The following SMIM36 variants were observed in gnomAD, a reference collection of about 807,000 sequenced individuals.
SMIM36 encodes small integral membrane protein 36.
chr17:55,496,093 A>G (rs1405799419), intron 1 of SMIM36, among the ~76,000 whole-genome samples: 1 of 152,192 alleles, frequency 6.6e-6, no homozygotes, highest in Admixed American at 6.5e-5. Context: ...ACATTTCCTT[A>G]TAAGAATGTC....
chr17:55,529,485 G>C, the SMIM36 span, among the ~76,000 whole-genome samples: 6 of 151,896 alleles, frequency 4.0e-5, no homozygotes, highest in African/African-American at 1.5e-4. Context: ...ATCCAGATGT[G>C]AGCCTGGCAC....
intron 1 of SMIM36, among the ~76,000 whole-genome samples, chr17:55,498,476 T>C (rs577471376): frequency 6.6e-6 from 1 of 152,176 alleles, no homozygotes; most frequent in Non-Finnish European, 1.5e-5. Flanking sequence ...CCTCTACTTA[T>C]TTTCATCTTA....
At chr17:55,520,595 G>A in the SMIM36 span, among the ~76,000 whole-genome samples, 63 of 152,286 alleles carry the variant, frequency 4.1e-4, no homozygotes, top group Admixed American at 2.2e-3. Context: ...TGTACAGTGC[G>A]GATACAATGG....
At chr17:55,517,192 A>G in the SMIM36 span, among the ~76,000 whole-genome samples, 2 of 152,218 alleles carry the variant, frequency 1.3e-5, no homozygotes, top group Non-Finnish European at 2.9e-5. Flanking sequence ...TTGAAGGTAT[A>G]CTAAGATGGT....
chr17:55,462,464 AGCCAGGTG>A (rs1909162770), intron 4 of SMIM36, among the ~76,000 whole-genome samples: 1 of 152,138 alleles, frequency 6.6e-6, no homozygotes, highest in African/African-American at 2.4e-5. Flanking sequence ...TTAAAAAATT[AGCCAGGTG>A]GCATGTGCCT....
chr17:55,508,231 C>G (rs1188181150), intron 1 of SMIM36, among the ~76,000 whole-genome samples: 1 of 151,872 alleles, frequency 6.6e-6, no homozygotes, highest in East Asian at 1.9e-4. Context: ...CTCACCCCTT[C>G]CACAAGGATA....
At chr17:55,492,898 T>C (rs1210966012) in intron 1 of SMIM36, among the ~76,000 whole-genome samples, 3 of 152,216 alleles carry the variant, frequency 2.0e-5, no homozygotes, top group African/African-American at 7.2e-5. Flanking sequence ...AGGAAGTCAA[T>C]GCATCACCAT....
rs1466057559 is a variant in SMIM36, at chr17:55,510,888, T to A, written c.*165A>T. The A allele has an allele frequency of 1.6e-5, 6 of 385,946 alleles. No homozygotes were observed. In the East Asian group the frequency reaches 2.2e-4, roughly 14 times the overall value. 23.9% of individuals were successfully genotyped at this position (385,946 alleles called of 1,614,324 possible). A position where few individuals can be genotyped will look rare whatever the true frequency, so the allele number is the denominator to read the frequency against. Reference sequence around the variant, plus strand: ...ACTTTGGGCTTCTTACCTTAAACAGTTACTTTTGTCACAAAGAAGGTGACG... The same window carrying A: ...ACTTTGGGCTTCTTACCTTAAACAGATACTTTTGTCACAAAGAAGGTGACG... On this transcript the variant is annotated 3_prime_UTR_variant, in exon 1 of 5. Coordinates refer to ENST00000636752, the Ensembl canonical transcript of SMIM36.
At chr17:55,472,799 C>G (rs531440764) in intron 3 of SMIM36, among the ~76,000 whole-genome samples, 2 of 147,424 alleles carry the variant, frequency 1.4e-5, no homozygotes, top group East Asian at 4.0e-4. Context: ...AACCGGGAGG[C>G]GGAGGTTGCA....
intron 1 of SMIM36, among the ~76,000 whole-genome samples, chr17:55,489,506 G>C (rs1368768534): frequency 4.6e-5 from 7 of 152,212 alleles, no homozygotes; most frequent in Admixed American, 3.3e-4. Context: ...GTATTTGTCT[G>C]AATGTTTTCT....
intron 1 of SMIM36, among the ~76,000 whole-genome samples, chr17:55,487,473 GAGA>G (rs1378872283): frequency 7.2e-5 from 11 of 152,306 alleles, no homozygotes; most frequent in African/African-American, 2.2e-4. Flanking sequence ...AGACTGCACT[GAGA>G]AGGAGGCACA....
chr17:55,493,383 AG>A (rs1368027783), intron 1 of SMIM36, among the ~76,000 whole-genome samples: 2 of 152,204 alleles, frequency 1.3e-5, no homozygotes, highest in Non-Finnish European at 2.9e-5. Flanking sequence ...TGCTGCTCCA[AG>A]GTGTAGTCTG....
At chr17:55,501,719 G>C (rs1293101238) in intron 1 of SMIM36, among the ~76,000 whole-genome samples, 2 of 150,418 alleles carry the variant, frequency 1.3e-5, no homozygotes, top group Middle Eastern at 6.8e-3. Context: ...ATACATTCGG[G>C]GAGGAGCCAA....
intron 4 of SMIM36, among the ~76,000 whole-genome samples, chr17:55,460,714 T>C (rs948009162): frequency 4.6e-5 from 7 of 151,558 alleles, no homozygotes; most frequent in African/African-American, 1.7e-4. Context: ...AAAAATTAGC[T>C]GGGCATGGTG....
intron 4 of SMIM36, among the ~76,000 whole-genome samples, chr17:55,456,723 T>TAAATATTTTTC (rs1220836035): frequency 6.6e-6 from 1 of 152,236 alleles, no homozygotes; most frequent in African/African-American, 2.4e-5. Context: ...GAAGGTTCAA[T>TAAATATTTTTC]AAATATTTTT....
intron 3 of SMIM36, among the ~76,000 whole-genome samples, chr17:55,469,886 G>T (rs532395242): frequency 6.6e-6 from 1 of 152,258 alleles, no homozygotes; most frequent in Admixed American, 6.5e-5. Context: ...GAAGGATGAG[G>T]CAGGAGAATC....
intron 1 of SMIM36, among the ~76,000 whole-genome samples, chr17:55,501,545 T>C (rs1909980758): frequency 8.3e-6 from 1 of 121,054 alleles, no homozygotes; most frequent in South Asian, 2.2e-4. Context: ...TTATATACAA[T>C]ATTATATATA....
At chr17:55,498,923 TG>T (rs896769499) in intron 1 of SMIM36, among the ~76,000 whole-genome samples, 51 of 130,250 alleles carry the variant, frequency 3.9e-4, no homozygotes, top group African/African-American at 1.5e-3. Context: ...CACTTGAACC[TG>T]GGAGGCAGAG....
chr17:55,488,909 TCA>T (rs1909654232), intron 1 of SMIM36, among the ~76,000 whole-genome samples: 1 of 151,436 alleles, frequency 6.6e-6, no homozygotes. Flanking sequence ...ATCATCATCA[TCA>T]TCATCATCAT....
Sources: allele counts gnomAD v4.1 joint callset (sites outside exome capture counted in the v4.1 genomes callset), GRCh38; gene constraint gnomAD v4.1.1; transcripts MANE v1.5; gene names NCBI Gene and HGNC (gene_info 2026-07-23, HGNC 2026-07-21).